The following CADPS2 variants were observed in gnomAD, a reference collection of about 807,000 sequenced individuals.
The protein encoded by CADPS2 is calcium dependent secretion activator 2.
Under a neutral mutation model 172.5 loss-of-function variants are expected in CADPS2, and 93 were observed. The observed-to-expected ratio is 0.54, with a 90% CI of 0.46 to 0.64. The LOEUF (loss-of-function observed/expected upper bound fraction) is 0.64. Among genes scored for constraint, CADPS2 ranks in the 30% least tolerant of loss-of-function variants. The probability of loss-of-function intolerance (pLI) is 0.00; values close to 1 mark genes in which losing one functional copy is unlikely to be tolerated. For missense variants in CADPS2, 1,420 were observed against 1,565.9 expected (o/e 0.91, Z 1.57); for synonymous variants, 546 against 555.2 (o/e 0.98, Z 0.23).
chr7:122,820,086 G>C (rs1325668299), intron 1 of CADPS2, among the ~76,000 whole-genome samples: 2 of 151,986 alleles, frequency 1.3e-5, no homozygotes, highest in African/African-American at 4.8e-5. Context: ...AAATTGTTTT[G>C]CCTATCCACC....
intron 11 of CADPS2, among the ~76,000 whole-genome samples, chr7:122,485,976 G>C (rs1452240406): frequency 6.6e-6 from 1 of 152,112 alleles, no homozygotes; most frequent in East Asian, 1.9e-4. Context: ...TCTGTTTACA[G>C]CATAGTTTAC....
chr7:122,549,214 T>C (rs566300257), intron 8 of CADPS2, among the ~76,000 whole-genome samples: 3 of 152,106 alleles, frequency 2.0e-5, no homozygotes, highest in South Asian at 2.1e-4. Context: ...CTGGGCAACA[T>C]AGCGAAACCC....
chr7:122,521,312 T>C (rs948543040), intron 8 of CADPS2, among the ~76,000 whole-genome samples: 1 of 152,120 alleles, frequency 6.6e-6, no homozygotes, highest in Non-Finnish European at 1.5e-5. Context: ...ATACAGGCTA[T>C]CTGTGGGCAC....
chr7:122,564,851 A>G (rs994860552), intron 7 of CADPS2, among the ~76,000 whole-genome samples: 3 of 97,968 alleles, frequency 3.1e-5, no homozygotes, highest in Non-Finnish European at 8.0e-5. Flanking sequence ...ACACATGCAC[A>G]CACACACACA....
At chr7:122,486,334 A>G (rs1240696441) in intron 11 of CADPS2, among the ~76,000 whole-genome samples, 1 of 152,186 alleles carries the variant, frequency 6.6e-6, no homozygotes, top group African/African-American at 2.4e-5. Context: ...GGGCGGAGGT[A>G]AAAATATCAA....
chr7:122,529,189 T>C (rs1024266805), intron 8 of CADPS2, among the ~76,000 whole-genome samples: 3 of 152,038 alleles, frequency 2.0e-5, no homozygotes, highest in Admixed American at 6.6e-5. Context: ...TTCTTTTTTC[T>C]TACGGCACAT....
At chr7:122,737,330 T>C (rs555856046) in intron 1 of CADPS2, among the ~76,000 whole-genome samples, 25 of 152,280 alleles carry the variant, frequency 1.6e-4, no homozygotes, top group African/African-American at 6.0e-4. Flanking sequence ...GTTCAAGCGA[T>C]TCTCCTGCCT....
chr7:122,642,640 A>G (rs2077798081), intron 3 of CADPS2, among the ~76,000 whole-genome samples: 1 of 150,742 alleles, frequency 6.6e-6, no homozygotes, highest in South Asian at 2.1e-4. Context: ...AAATTTACTT[A>G]TATCTTAAAG....
intron 1 of CADPS2, among the ~76,000 whole-genome samples, chr7:122,762,428 T>A (rs1284460364): frequency 6.6e-6 from 1 of 152,082 alleles, no homozygotes; most frequent in East Asian, 1.9e-4. Flanking sequence ...GAAGTTAATA[T>A]GAATCAAAGC....
intron 8 of CADPS2, among the ~76,000 whole-genome samples, chr7:122,525,103 G>A (rs1363980347): frequency 6.6e-6 from 1 of 151,582 alleles, no homozygotes; most frequent in Non-Finnish European, 1.5e-5. Context: ...TAGTGCCACT[G>A]GACCACAGCA....
At chr7:122,756,710 CCAATATGGTGAAA>C (rs1054988232) in intron 1 of CADPS2, among the ~76,000 whole-genome samples, 2 of 152,076 alleles carry the variant, frequency 1.3e-5, no homozygotes, top group African/African-American at 2.4e-5. Flanking sequence ...ACCAGCCTGA[CCAATATGGTGAAA>C]CCCCGTCTCT....
At chr7:122,696,053 G>A (rs928954773) in intron 2 of CADPS2, among the ~76,000 whole-genome samples, 2 of 152,176 alleles carry the variant, frequency 1.3e-5, no homozygotes, top group African/African-American at 4.8e-5. Context: ...TAGCTCTAGT[G>A]ATTTTCTTGG....
intron 8 of CADPS2, among the ~76,000 whole-genome samples, chr7:122,532,189 C>A (rs534765168): frequency 3.4e-4 from 52 of 152,230 alleles, no homozygotes; most frequent in African/African-American, 9.6e-4. Context: ...TGATTTATCT[C>A]AAATTGTTCC....
At chr7:122,574,498 C>T (rs540012590) in intron 7 of CADPS2, among the ~76,000 whole-genome samples, 50 of 110,602 alleles carry the variant, frequency 4.5e-4, no homozygotes, top group African/African-American at 1.6e-3. Flanking sequence ...AGTGTTGATA[C>T]ATATGTAGAA....
At chr7:122,476,011 T>C (rs1192368847) in intron 12 of CADPS2, among the ~76,000 whole-genome samples, 2 of 152,154 alleles carry the variant, frequency 1.3e-5, no homozygotes, top group East Asian at 1.9e-4. Context: ...AGTCTTTTAA[T>C]AGAAAGTTAA....
intron 27 of CADPS2, among the ~76,000 whole-genome samples, chr7:122,349,197 C>T (rs908404710): frequency 1.7e-4 from 26 of 151,652 alleles, no homozygotes; most frequent in Non-Finnish European, 5.9e-5. Flanking sequence ...AAAAAGTGGC[C>T]GGTTAAACTT....
At chr7:122,723,584 G>A (rs1268603095) in intron 2 of CADPS2, among the ~76,000 whole-genome samples, 1 of 152,054 alleles carries the variant, frequency 6.6e-6, no homozygotes, top group African/African-American at 2.4e-5. Context: ...CTGGTGGGAT[G>A]GGAAACTAGT....
intron 7 of CADPS2, among the ~76,000 whole-genome samples, chr7:122,566,346 A>G (rs1301156009): frequency 1.3e-5 from 2 of 152,142 alleles, no homozygotes; most frequent in African/African-American, 4.8e-5. Context: ...CATTTCAGAA[A>G]ACAGTATGCA....
At chr7:122,657,030 T>C (rs1414179953) in intron 3 of CADPS2, among the ~76,000 whole-genome samples, 2 of 152,334 alleles carry the variant, frequency 1.3e-5, no homozygotes, top group African/African-American at 4.8e-5. Flanking sequence ...TACATATGGC[T>C]AGCCAGTTTT....
Sources: allele counts gnomAD v4.1 joint callset (sites outside exome capture counted in the v4.1 genomes callset), GRCh38; gene constraint gnomAD v4.1.1; transcripts MANE v1.5; gene names NCBI Gene and HGNC (gene_info 2026-07-23, HGNC 2026-07-21).